ATAD3A: variants seen among roughly 807,000 people sequenced by gnomAD.
The protein encoded by ATAD3A is ATPase family AAA domain-containing protein 3A.
In ATAD3A, 46 loss-of-function variants were observed where a neutral mutation model predicts 73.8. The ratio of observed to expected loss-of-function variants is 0.62; its 90% CI spans 0.49 to 0.80. The LOEUF (loss-of-function observed/expected upper bound fraction) is 0.80. ATAD3A is among the 30% of genes least tolerant of loss of function. The probability of loss-of-function intolerance (pLI) is 0.00; values close to 1 mark genes in which losing one functional copy is unlikely to be tolerated. For synonymous variants in ATAD3A, 319 were observed against 350.0 expected (o/e 0.91, Z 0.99); for missense variants, 705 against 838.0 (o/e 0.84, Z 1.96).
At chr1:1,527,279 G>A (rs1221829869) in intron 13 of ATAD3A, 14 of 1,236,784 alleles carry the variant, frequency 1.1e-5, no homozygotes, top group Admixed American at 2.6e-5. Flanking sequence ...GCCCTGACTC[G>A]GGTCCTTCCC....
intron 1 of ATAD3A, among the ~76,000 whole-genome samples, chr1:1,513,703 T>A (rs567792100): frequency 2.0e-5 from 3 of 152,106 alleles, no homozygotes; most frequent in Non-Finnish European, 4.4e-5. Flanking sequence ...CTGCCCCCTT[T>A]CCCCGGGTGC....
chr1:1,534,098 G>A lies in ATAD3A; in HGVS notation c.*26G>A, dbSNP rs41286744. ...GTCCACAGGGAGATCCACAGCTCACGGAGCCTGGCCGCGGACCCCTCCCAC... is the reference window on the plus strand; with the variant it reads ...GTCCACAGGGAGATCCACAGCTCACAGAGCCTGGCCGCGGACCCCTCCCAC... On this transcript the variant is annotated 3_prime_UTR_variant, in exon 16 of 16. Transcript: ENST00000378756. 3.7e-4 allele frequency: 593 copies of A among 1,613,258 alleles called. No individual in the cohort carries two copies. Among genetic ancestry groups the A allele is most frequent in the Non-Finnish European group, 4.4e-4 (525 of 1,179,806 alleles).
chr1:1,523,532 C>G lies in ATAD3A; in HGVS notation c.928C>G (p.Arg310Gly), dbSNP rs775070969. The G allele has an allele frequency of 5.6e-6, 9 of 1,612,906 alleles. No individual in the cohort carries two copies. The South Asian group carries it at 7.7e-5, about 14-fold the overall frequency. The change falls in exon 9 of 16, where the codon CGA becomes GGA. Residue 310 changes from arginine to glycine, a missense_variant. Coordinates refer to ENST00000378756, the MANE Select transcript of ATAD3A (RefSeq NM_001170535.3). The surrounding 1 kb of genome is among the most constrained non-coding windows in gnomAD (Gnocchi z 5.1). ...GCAGGTCAGCCGGCGGCTCCTCAGTCGACCCCAGGACGCGCTGGAGGGTGT... is the reference window on the plus strand; with the variant it reads ...GCAGGTCAGCCGGCGGCTCCTCAGTGGACCCCAGGACGCGCTGGAGGGTGT... ...PIQVSRRLLSRPQDALEGVVL... is the reference protein window; with the variant it reads ...PIQVSRRLLSGPQDALEGVVL...
chr1:1,515,820 A>T (rs1570319464), intron 1 of ATAD3A, among the ~76,000 whole-genome samples, 192 bp from the exon 2 acceptor site: 1 of 152,138 alleles, frequency 6.6e-6, no homozygotes, highest in African/African-American at 2.4e-5. Flanking sequence ...TCACAAATGC[A>T]TCAGGCCGTG....
intron 1 of ATAD3A, among the ~76,000 whole-genome samples, chr1:1,515,742 T>G (rs1486802128): frequency 5.3e-5 from 8 of 152,178 alleles, no homozygotes; most frequent in East Asian, 1.9e-4. Flanking sequence ...GGAAAGAGCC[T>G]CCTCCCGTCC....
In ATAD3A at chr1:1,523,242, C is replaced by T. The variant is rs1641668436; in HGVS notation, c.907-269C>T. Reference sequence around the variant, plus strand: ...TGGTGGCCTCCCTGGGGAGCCGCGCCGCTCGCCGCCCCCGAGGTGCCTGCT... The same window carrying T: ...TGGTGGCCTCCCTGGGGAGCCGCGCTGCTCGCCGCCCCCGAGGTGCCTGCT... On this transcript the variant is annotated intron_variant, in intron 8 of 15. Coordinates refer to ENST00000378756, the MANE Select transcript of ATAD3A (RefSeq NM_001170535.3). The surrounding 1 kb of genome is among the most constrained non-coding windows in gnomAD (Gnocchi z 5.1). 2.0e-5 allele frequency among the ~76,000 whole-genome samples: 3 copies of T among 151,860 alleles called. No homozygotes were observed. Among genetic ancestry groups the T allele is most frequent in the Non-Finnish European group, 4.4e-5 (3 of 67,956 alleles).
At chr1:1,527,567 G>A in intron 13 of ATAD3A, 128 bp from the exon 14 acceptor site, 1 of 1,299,474 alleles carries the variant, frequency 7.7e-7, no homozygotes, top group Non-Finnish European at 1.0e-6. Flanking sequence ...GGCCGACCAG[G>A]GCTGTGCCCG....
Position 1,529,232 on chromosome 1 carries a change from G to A in ATAD3A, c.1515G>A (p.Lys505=). 1 of 1,608,754 alleles carries A rather than the reference G, an allele frequency of 6.2e-7. No individual in the cohort carries two copies. Among genetic ancestry groups the A allele is most frequent in the Non-Finnish European group, 8.5e-7 (1 of 1,178,428 alleles). ...GGAACTCCTTCCCCAGGCGCCTGAA[G>A]CTGGCCCAGTTTGACTACGGGAGGA... ...KPATEGKQRL[K]LAQFDYGRKC... The change falls in exon 15 of 16, where the codon AAG becomes AAA. Residue 505 remains lysine, a synonymous_variant. Coordinates refer to ENST00000378756, the MANE Select transcript of ATAD3A (RefSeq NM_001170535.3).
intron 1 of ATAD3A, 134 bp downstream of exon 1, chr1:1,512,607 C>G: frequency 7.1e-7 from 1 of 1,409,118 alleles, no homozygotes; most frequent in Non-Finnish European, 9.4e-7. Context: ...GGAGCACCCC[C>G]GGCCGGAGCC....
chr1:1,529,154 C>A lies in ATAD3A; in HGVS notation c.1506-69C>A, dbSNP rs553572858. On this transcript the variant is annotated intron_variant, in intron 14 of 15. Transcript: ENST00000378756. ...CGTGGGTGTCGGCCTCGCTGCCTGT[C>A]TTCCGGCCTCCACCTCGTGTTGTGG... 3.2e-6 allele frequency: 5 copies of A among 1,583,066 alleles called. No homozygotes were observed. The African/African-American group carries it at 5.4e-5, about 17-fold the overall frequency.
chr1:1,514,848 G>A (rs556868815), intron 1 of ATAD3A, among the ~76,000 whole-genome samples: 38 of 152,058 alleles, frequency 2.5e-4, no homozygotes, highest in Middle Eastern at 6.8e-3. Context: ...CCTACTTTAC[G>A]TGTCTTTCTG....
In ATAD3A at chr1:1,523,356, C is replaced by T. The variant is rs1464338814; in HGVS notation, c.907-155C>T. Among the ~76,000 whole-genome samples, 5 of 152,304 alleles carry T rather than the reference C, an allele frequency of 3.3e-5. No individual in the cohort carries two copies. In the East Asian group the frequency reaches 7.7e-4, roughly 24 times the overall value. ...CTAATCCCAGCAATAGCCGCCTGGT[C>T]TCCGGGCGGGGCAGGGTTCCAGCTC... On this transcript the variant is annotated intron_variant, in intron 8 of 15. Transcript: ENST00000378756. The surrounding 1 kb of genome is among the most constrained non-coding windows in gnomAD (Gnocchi z 5.1).
intron 7 of ATAD3A, among the ~76,000 whole-genome samples, chr1:1,522,396 G>A (rs1013794561): frequency 1.3e-5 from 2 of 152,174 alleles, no homozygotes; most frequent in East Asian, 1.9e-4. Flanking sequence ...TGTTTTCCAG[G>A]AATAAAGTAC....
At position 1,534,546 on chromosome 1, in the gene ATAD3A, T is replaced by G. The variant is rs1570367213; in HGVS notation, c.*474T>G. The G allele has an allele frequency of 2.6e-6, 1 of 387,178 alleles. No homozygotes were observed. Among genetic ancestry groups the G allele is most frequent in the African/African-American group, 2.1e-5 (1 of 47,760 alleles). The allele number at this position is 387,178 out of a possible 1,614,324, so 24.0% of individuals were successfully genotyped here. On this transcript the variant is annotated 3_prime_UTR_variant, in exon 16 of 16. Coordinates refer to ENST00000378756, the MANE Select transcript of ATAD3A (RefSeq NM_001170535.3). ...CCCCTGTGGCCGGCATGCCCCGATCTTTCACACACTGGTGACCCTGAGAGA... is the reference window on the plus strand; with the variant it reads ...CCCCTGTGGCCGGCATGCCCCGATCGTTCACACACTGGTGACCCTGAGAGA...
chr1:1,514,483 C>T (rs1570316981), intron 1 of ATAD3A, among the ~76,000 whole-genome samples: 1 of 152,202 alleles, frequency 6.6e-6, no homozygotes, highest in Non-Finnish European at 1.5e-5. Context: ...AGAGGCAGGT[C>T]CCGGTCTCAT....
chr1:1,530,058 G>A (rs1641984116), intron 15 of ATAD3A, among the ~76,000 whole-genome samples: 1 of 152,242 alleles, frequency 6.6e-6, no homozygotes, highest in African/African-American at 2.4e-5. Flanking sequence ...ACAGCTTAAT[G>A]AAGCAGCCGA....
chr1:1,533,490 G>C (rs1570363549), intron 15 of ATAD3A, among the ~76,000 whole-genome samples: 4 of 152,286 alleles, frequency 2.6e-5, no homozygotes, highest in African/African-American at 9.6e-5. Context: ...CACCACTCAT[G>C]TGCCTCAAGG....
intron 1 of ATAD3A, 54 bp from the exon 2 acceptor site, chr1:1,515,958 C>G: frequency 6.2e-7 from 1 of 1,604,768 alleles, no homozygotes; most frequent in Non-Finnish European, 8.5e-7. Flanking sequence ...TGCGTGCCTG[C>G]CCAGCGGCAT....
chr1:1,518,056 TCTG>T (rs780994134), intron 4 of ATAD3A, among the ~76,000 whole-genome samples: 2 of 150,630 alleles, frequency 1.3e-5, no homozygotes, highest in East Asian at 1.9e-4. Flanking sequence ...TGCACCCACT[TCTG>T]CACACACGGG....
Sources: allele counts gnomAD v4.1 joint callset (sites outside exome capture counted in the v4.1 genomes callset), GRCh38; gene constraint gnomAD v4.1.1; non-coding constraint Gnocchi (gnomAD v3.1); transcripts MANE v1.5; gene names NCBI Gene and HGNC (gene_info 2026-07-23, HGNC 2026-07-21).